CTNNA2: variants seen among roughly 807,000 people sequenced by gnomAD.
The protein encoded by CTNNA2 is catenin alpha 2.
CTNNA2 carries 42 observed loss-of-function variants against 101.0 expected under a neutral mutation model. The ratio of observed to expected loss-of-function variants is 0.42; its 90% CI spans 0.32 to 0.54. The LOEUF (loss-of-function observed/expected upper bound fraction) is 0.54, where lower values mean the gene tolerates loss of function less well. Among genes scored for constraint, CTNNA2 ranks in the 20% least tolerant of loss-of-function variants. CTNNA2 has a pLI of 0.14. For synonymous variants in CTNNA2, 450 were observed against 456.4 expected (o/e 0.99, Z 0.18); for missense variants, 871 against 1,223.1 (o/e 0.71, Z 4.29).
chr2:80,221,500 GA>G (rs1708574824), intron 7 of CTNNA2, among the ~76,000 whole-genome samples: 3 of 152,172 alleles, frequency 2.0e-5, no homozygotes, highest in Admixed American at 2.0e-4. Context: ...CATGTCCCAG[GA>G]ATGGCTAAGT....
chr2:79,497,702 C>T (rs1416345193), intron 4 of CTNNA2, among the ~76,000 whole-genome samples: 3 of 152,188 alleles, frequency 2.0e-5, no homozygotes, highest in Admixed American at 1.3e-4. Context: ...CCAAACAGTA[C>T]TTAAACTGCA....
At chr2:80,564,196 T>C (rs1693851532) in intron 12 of CTNNA2, among the ~76,000 whole-genome samples, 1 of 152,210 alleles carries the variant, frequency 6.6e-6, no homozygotes, top group Admixed American at 6.5e-5. Flanking sequence ...CTTAATGCAA[T>C]CTAAGTATTT....
chr2:79,199,813 C>T (rs1674009290), intron 2 of CTNNA2, among the ~76,000 whole-genome samples: 1 of 152,142 alleles, frequency 6.6e-6, no homozygotes, highest in African/African-American at 2.4e-5. Context: ...GTGATCCTCC[C>T]ATCTCAGCCT....
chr2:79,246,807 A>G (rs952570409), intron 2 of CTNNA2, among the ~76,000 whole-genome samples: 1 of 152,240 alleles, frequency 6.6e-6, no homozygotes, highest in Admixed American at 6.5e-5. Context: ...GGAAGTTTTT[A>G]TGATTTCTTT....
rs114859496 is a variant in CTNNA2 at position 79,752,156 on chromosome 2, C to T, written c.298+7574C>T. On this transcript the variant is annotated intron_variant, in intron 3 of 18. Coordinates refer to ENST00000402739, the MANE Select transcript of CTNNA2 (RefSeq NM_001282597.3). The stretch of plus-strand genomic sequence containing the variant: ...GGTGAAATAGAGAAATTTGGAAGTA[C>T]TTGCCAATAGAGAGAGGAGAACAGA... Among the ~76,000 whole-genome samples the T allele has an allele frequency of 5.6e-3, 858 of 152,046 alleles. 7 individuals carry two copies. The highest frequency in any genetic ancestry group is 0.019 in the African/African-American group (803 of 41,456).
chr2:80,454,650 G>C (rs1043226006), intron 9 of CTNNA2, among the ~76,000 whole-genome samples: 1 of 152,236 alleles, frequency 6.6e-6, no homozygotes, highest in African/African-American at 2.4e-5. Flanking sequence ...TGAGGCTGAC[G>C]GAGGGCAAGT....
At chr2:79,347,496 T>C (rs1677287575) in intron 3 of CTNNA2, among the ~76,000 whole-genome samples, 1 of 152,212 alleles carries the variant, frequency 6.6e-6, no homozygotes, top group South Asian at 2.1e-4. Flanking sequence ...AAGCACAAAA[T>C]AAATGTTGCC....
At chr2:79,490,920 C>A (rs537627835) in intron 4 of CTNNA2, among the ~76,000 whole-genome samples, 36 of 152,244 alleles carry the variant, frequency 2.4e-4, no homozygotes, top group African/African-American at 7.9e-4. Flanking sequence ...TCCCCATACC[C>A]CATTGTGATA....
At chr2:79,286,463 T>C (rs1675586950) in intron 2 of CTNNA2, among the ~76,000 whole-genome samples, 1 of 151,974 alleles carries the variant, frequency 6.6e-6, no homozygotes, top group South Asian at 2.1e-4. Context: ...TGACAAAATC[T>C]CTCAGCATTT....
intron 2 of CTNNA2, among the ~76,000 whole-genome samples, chr2:79,736,066 T>C (rs1465972876): frequency 1.3e-5 from 2 of 152,210 alleles, no homozygotes; most frequent in African/African-American, 4.8e-5. Context: ...TAGTAGTTTC[T>C]ATTGTAGTAG....
intron 7 of CTNNA2, among the ~76,000 whole-genome samples, chr2:80,018,596 G>C (rs1694316495): frequency 1.3e-5 from 2 of 152,072 alleles, no homozygotes. Flanking sequence ...CTAACACAGT[G>C]AAACCCTGTC....
chr2:80,167,338 C>T (rs1019337341), intron 7 of CTNNA2, among the ~76,000 whole-genome samples: 1 of 151,952 alleles, frequency 6.6e-6, no homozygotes, highest in Admixed American at 6.6e-5. Context: ...AATAAATATA[C>T]AAGGTTATTT....
chr2:79,758,700 G>T (rs183889657), intron 3 of CTNNA2, among the ~76,000 whole-genome samples: 1 of 152,228 alleles, frequency 6.6e-6, no homozygotes, highest in African/African-American at 2.4e-5. Flanking sequence ...TGTGAAATTT[G>T]GTTTCCTGTT....
At chr2:79,377,834 C>A (rs1016170659) in intron 4 of CTNNA2, among the ~76,000 whole-genome samples, 3 of 152,138 alleles carry the variant, frequency 2.0e-5, no homozygotes, top group Non-Finnish European at 4.4e-5. Flanking sequence ...CCTTTCTTAT[C>A]TGATGCAAAC....
intron 7 of CTNNA2, among the ~76,000 whole-genome samples, chr2:80,055,764 G>A (rs1445798791): frequency 1.3e-5 from 2 of 152,102 alleles, no homozygotes; most frequent in Non-Finnish European, 2.9e-5. Context: ...GACCCCTAAT[G>A]CAGAATAGCT....
rs150509433 is a variant in CTNNA2 at position 79,347,961 on chromosome 2, T to C, written c.-317-25870T>C. Among the ~76,000 whole-genome samples the C allele has an allele frequency of 6.6e-3, 997 of 152,114 alleles. 16 individuals are homozygous for C. Among genetic ancestry groups the C allele is most frequent in the African/African-American group, 0.022 (916 of 41,508 alleles). ...GTCAGGATACTTGGCACACCCCATT[T>C]AATAAATCAGGATCCAGAGAGAAGA... is the stretch of plus-strand genomic sequence containing the variant. On this transcript the variant is annotated intron_variant, in intron 3 of 21. Coordinates refer to the CTNNA2 transcript ENST00000466387.
At chr2:79,542,978 C>T (rs558894502) in intron 1 of CTNNA2, among the ~76,000 whole-genome samples, 25 of 151,918 alleles carry the variant, frequency 1.6e-4, no homozygotes, top group Non-Finnish European at 2.8e-4. Flanking sequence ...CATTTTCTAC[C>T]ATTTTAAAAA....
intron 1 of CTNNA2, among the ~76,000 whole-genome samples, chr2:79,185,960 G>A (rs1411840228): frequency 6.6e-6 from 1 of 152,186 alleles, no homozygotes; most frequent in Non-Finnish European, 1.5e-5. Flanking sequence ...CACACCAGCA[G>A]CTGCATGTGT....
chr2:79,957,040 C>T (rs989756563), intron 7 of CTNNA2, among the ~76,000 whole-genome samples: 3 of 151,954 alleles, frequency 2.0e-5, no homozygotes, highest in Non-Finnish European at 4.4e-5. Context: ...TCAACATCCC[C>T]AGATCCTCTT....
Sources: allele counts gnomAD v4.1 joint callset (sites outside exome capture counted in the v4.1 genomes callset), GRCh38; gene constraint gnomAD v4.1.1; transcripts MANE v1.5; gene names NCBI Gene and HGNC (gene_info 2026-07-23, HGNC 2026-07-21).